The following MAP3K9 variants were observed in gnomAD, a reference collection of about 807,000 sequenced individuals.
The protein encoded by MAP3K9 is mitogen-activated protein kinase kinase kinase 9, also known as mixed lineage kinase 1 (tyr and ser/thr specificity).
MAP3K9 carries 46 observed loss-of-function variants against 95.8 expected under a neutral mutation model. The observed-to-expected ratio is 0.48, with a 90% CI of 0.38 to 0.61. The LOEUF is 0.61. MAP3K9 is among the 20% of genes least tolerant of loss of function. MAP3K9 has a pLI of 0.00. For missense variants in MAP3K9, 1,296 were observed against 1,474.3 expected (o/e 0.88, Z 1.98); for synonymous variants, 533 against 593.8 (o/e 0.90, Z 1.49).
chr14:70,742,779 A>C (rs2054091363), intron 5 of MAP3K9, among the ~76,000 whole-genome samples, 188 bp from the exon 6 acceptor site: 1 of 152,040 alleles, frequency 6.6e-6, no homozygotes, highest in African/African-American at 2.4e-5. Flanking sequence ...TGGGGAAAGG[A>C]AGGCTCAGAA....
Position 70,732,576 on chromosome 14 carries a change from G to T in MAP3K9, c.2793C>A (p.Ser931Arg). Residue 931 changes from serine to arginine, a missense_variant, in exon 11 of 12, where the codon AGC (serine) becomes AGA (arginine). Transcript: ENST00000554752. ...LKPETLLASR[S>R]PSSNGLSPSP... ...TGGGGCTCAACCCATTGCTGGAGGG[G>T]CTCCTGCTGGCTAGGAGAGTCTCTG... is the stretch of plus-strand genomic sequence containing the variant. 1 of 1,599,958 alleles carries T rather than the reference G, an allele frequency of 6.3e-7. No homozygotes were observed. The highest frequency in any genetic ancestry group is 1.1e-5 in the South Asian group (1 of 89,258).
At chr14:70,797,745 A>G (rs530387961) in intron 2 of MAP3K9, among the ~76,000 whole-genome samples, 119 of 152,188 alleles carry the variant, frequency 7.8e-4, no homozygotes, top group Non-Finnish European at 1.2e-3. Flanking sequence ...AAAAATAAAT[A>G]AATAAAATAC....
intron 2 of MAP3K9, among the ~76,000 whole-genome samples, chr14:70,792,845 G>C (rs2054821034): frequency 6.6e-6 from 1 of 152,228 alleles, no homozygotes; most frequent in Non-Finnish European, 1.5e-5. Flanking sequence ...TAGAATGTTA[G>C]AGCCTGCTGA....
At chr14:70,795,086 C>T (rs757072167) in intron 2 of MAP3K9, among the ~76,000 whole-genome samples, 1 of 149,950 alleles carries the variant, frequency 6.7e-6, no homozygotes, top group Non-Finnish European at 1.5e-5. Flanking sequence ...CTCCGCCTCC[C>T]GGGTTCAAGT....
chr14:70,736,944 A>G (rs1343869683), intron 8 of MAP3K9, among the ~76,000 whole-genome samples: 2 of 152,222 alleles, frequency 1.3e-5, no homozygotes, highest in Non-Finnish European at 2.9e-5. Context: ...CAGATCTGAC[A>G]TGGGAAAATC....
chr14:70,807,121 A>C (rs1373303945), intron 1 of MAP3K9, among the ~76,000 whole-genome samples: 4 of 152,248 alleles, frequency 2.6e-5, no homozygotes, highest in Admixed American at 2.6e-4. Context: ...GATAGTCAAA[A>C]CACCAACAGA....
intron 3 of MAP3K9, among the ~76,000 whole-genome samples, chr14:70,758,763 G>T (rs963795660): frequency 1.3e-5 from 2 of 151,828 alleles, no homozygotes; most frequent in African/African-American, 4.8e-5. Flanking sequence ...CAACATGGAT[G>T]AATCTTTTTT....
chr14:70,751,921 G>A (rs1217341524), intron 3 of MAP3K9, among the ~76,000 whole-genome samples: 1 of 152,124 alleles, frequency 6.6e-6, no homozygotes, highest in African/African-American at 2.4e-5. Context: ...GTACATCATG[G>A]TGGGCCCAGA....
chr14:70,757,888 T>G (rs2054317899), intron 3 of MAP3K9, among the ~76,000 whole-genome samples: 1 of 152,056 alleles, frequency 6.6e-6, no homozygotes, highest in Non-Finnish European at 1.5e-5. Flanking sequence ...TCATACCACA[T>G]ACAAAAATTA....
intron 2 of MAP3K9, among the ~76,000 whole-genome samples, chr14:70,788,011 T>C (rs1004064338): frequency 2.6e-5 from 4 of 152,162 alleles, no homozygotes; most frequent in Admixed American, 6.5e-5. Flanking sequence ...TATGTTTTCA[T>C]AGAAAAAAAG....
chr14:70,803,778 T>C (rs2054960025), intron 1 of MAP3K9, among the ~76,000 whole-genome samples: 1 of 152,254 alleles, frequency 6.6e-6, no homozygotes, highest in Non-Finnish European at 1.5e-5. Context: ...GAAGAATGAA[T>C]GTCATGGCAG....
rs113400642 is a variant in MAP3K9, at chr14:70,770,209, C to T, written c.821-9027G>A. On this transcript the variant is annotated intron_variant, in intron 2 of 11. Transcript: ENST00000554752. ...TTCTTTTGTTTGTTTGTTTTTGAGT[C>T]TCAATCTGTCACCCAGACTGGAGTG... is the stretch of plus-strand genomic sequence containing the variant. Among the ~76,000 whole-genome samples, 956 of 152,204 alleles carry T rather than the reference C, an allele frequency of 6.3e-3. 9 individuals carry two copies. Among genetic ancestry groups the T allele is most frequent in the Non-Finnish European group, 8.7e-3 (592 of 68,014 alleles).
At chr14:70,749,728 A>G in intron 4 of MAP3K9, 1 of 531,238 alleles carries the variant, frequency 1.9e-6, no homozygotes, top group Non-Finnish European at 3.3e-6. Context: ...TTTCACTTCT[A>G]CAGTCCCTGG....
chr14:70,798,470 A>ATTT (rs1355994940), intron 2 of MAP3K9, among the ~76,000 whole-genome samples: 4 of 108,344 alleles, frequency 3.7e-5, no homozygotes, highest in African/African-American at 7.2e-5. Context: ...GGTCACCAAA[A>ATTT]GTTTTTTTTT....
intron 5 of MAP3K9, among the ~76,000 whole-genome samples, chr14:70,746,691 AATAAG>A (rs2054151887): frequency 6.6e-6 from 1 of 152,230 alleles, no homozygotes; most frequent in African/African-American, 2.4e-5. Flanking sequence ...TATCTCATTA[AATAAG>A]ATAATTCATA....
rs1454662300 is a variant in MAP3K9 at position 70,740,223 on chromosome 14, T to C, written c.1568-59A>G. ...AACATTTCCCATAATTAAATTCATA[T>C]AAGAAATATGACATTCCTCAGCATC... On this transcript the variant is annotated intron_variant, in intron 6 of 11. Transcript: ENST00000554752. The C allele has an allele frequency of 3.2e-6, 5 of 1,556,226 alleles. No homozygotes were observed. In the East Asian group the frequency reaches 6.8e-5, roughly 21 times the overall value.
At chr14:70,741,994 C>T (rs1450700584) in intron 6 of MAP3K9, among the ~76,000 whole-genome samples, 1 of 152,162 alleles carries the variant, frequency 6.6e-6, no homozygotes, top group African/African-American at 2.4e-5. Context: ...GCCAAAACTT[C>T]TCGTGTCTCA....
At chr14:70,798,949 T>C (rs1789009406) in intron 2 of MAP3K9, among the ~76,000 whole-genome samples, 1 of 152,000 alleles carries the variant, frequency 6.6e-6, no homozygotes, top group Admixed American at 6.5e-5. Flanking sequence ...TAATGTTCCA[T>C]ACCCTTACAA....
rs11621269 is a variant in MAP3K9 at position 70,782,377 on chromosome 14, T to G, written c.820+18290A>C. Among the ~76,000 whole-genome samples the G allele has an allele frequency of 5.3e-5, 8 of 151,992 alleles. No individual in the cohort carries two copies. In the East Asian group the frequency reaches 1.4e-3, roughly 26 times the overall value. On this transcript the variant is annotated intron_variant, in intron 2 of 11. Coordinates refer to ENST00000554752, the MANE Select transcript of MAP3K9 (RefSeq NM_001284230.2). ...TCATGATCTATACAAAAAGAAAACA[T>G]TCCAGGCTCTGTGACCTGCACTTCA...
Sources: allele counts gnomAD v4.1 joint callset (sites outside exome capture counted in the v4.1 genomes callset), GRCh38; gene constraint gnomAD v4.1.1; transcripts MANE v1.5; gene names NCBI Gene and HGNC (gene_info 2026-07-23, HGNC 2026-07-21).